Variants in TMEM115 observed in about 807,000 individuals in gnomAD.
TMEM115 encodes PP6.
In TMEM115, 8 loss-of-function variants were observed where a neutral mutation model predicts 20.1. That is an observed-to-expected ratio of 0.40 (90% CI 0.23 to 0.72). The LOEUF is 0.72. TMEM115 is among the 30% of genes least tolerant of loss of function. The probability of loss-of-function intolerance (pLI) is 0.39; values close to 1 mark genes in which losing one functional copy is unlikely to be tolerated. For missense variants in TMEM115, 374 were observed against 455.1 expected, an observed-to-expected ratio of 0.82 and a Z score of 1.62; for synonymous variants, 229 against 206.2, an observed-to-expected ratio of 1.11 and a Z score of -0.95.
chr3:50,358,674 C>T lies in TMEM115; in HGVS notation c.390G>A (p.Leu130=), dbSNP rs139478737. ...AGGCGCCGTGGATACGGACAGTGAA[C>T]AGGTAGACCAGGTTGAAGGAAGCCA... is the stretch of plus-strand genomic sequence containing the variant. ...TYMASFNLVY[L]FTVRIHGALG... The change falls in exon 1 of 2, where the codon CTG becomes CTA. Residue 130 remains leucine (L), a synonymous_variant. Coordinates refer to ENST00000266025, the MANE Select transcript of TMEM115 (RefSeq NM_007024.5). 269 of 1,613,412 alleles carry T rather than the reference C, an allele frequency of 1.7e-4. 1 individual carries two copies. In the African/African-American group the frequency reaches 3.2e-3, roughly 19 times the overall value.
chr3:50,359,139 C>T lies in TMEM115; in HGVS notation c.-76G>A. On this transcript the variant is annotated 5_prime_UTR_variant, in exon 1 of 2. Transcript: ENST00000266025. ...CCCCGGGGCCTCGTCCTAGTCCGGC[C>T]CCGATGGGAGGCCCAGGCCCGGCCT... The T allele has an allele frequency of 6.8e-7, 1 of 1,461,544 alleles. No homozygotes were observed. The highest frequency in any genetic ancestry group is 1.4e-5 in the South Asian group (1 of 69,376). The allele number at this position is 1,461,544 out of a possible 1,614,324, so 90.5% of individuals were successfully genotyped here. A position where few individuals can be genotyped will look rare whatever the true frequency, so the allele number is the denominator to read the frequency against.
intron 1 of TMEM115, 97 bp from the exon 2 acceptor site, chr3:50,355,644 A>G: frequency 1.9e-6 from 2 of 1,074,008 alleles, no homozygotes; most frequent in Non-Finnish European, 2.6e-6. Flanking sequence ...CGTACCACCT[A>G]GACTCCTCCC....
intron 1 of TMEM115, among the ~76,000 whole-genome samples, chr3:50,356,593 A>G (rs1703880499): frequency 6.6e-6 from 1 of 151,928 alleles, no homozygotes; most frequent in African/African-American, 2.4e-5. Flanking sequence ...TATAGACAGG[A>G]CAGTCTTTCC....
At chr3:50,357,986 T>C in intron 1 of TMEM115, 1 of 582,570 alleles carries the variant, frequency 1.7e-6, no homozygotes, top group Non-Finnish European at 3.0e-6. Flanking sequence ...GGAAACTGCA[T>C]TTCTTGAGAC....
chr3:50,358,830 G>A lies in TMEM115; in HGVS notation c.234C>T (p.Ser78=). ...MEQHVWDVAI[S]LTTVVVAGRL... is the part of the protein sequence containing the mutation. ...GCCCGGCCACCACCACCGTTGTCAGGCTGATGGCCACGTCCCACACATGCT... is the reference window on the plus strand; with the variant it reads ...GCCCGGCCACCACCACCGTTGTCAGACTGATGGCCACGTCCCACACATGCT... Residue 78 remains serine, a synonymous_variant, in exon 1 of 2, where the codon AGC becomes AGT. Transcript: ENST00000266025. 5 of 1,613,284 alleles carry A rather than the reference G, an allele frequency of 3.1e-6. No individual in the cohort carries two copies. The highest frequency in any genetic ancestry group is 4.2e-6 in the Non-Finnish European group (5 of 1,180,026).
Position 50,355,486 on chromosome 3 carries a change from G to A in TMEM115, c.913C>T (p.Pro305Ser). 1 of 1,609,054 alleles carries A rather than the reference G, an allele frequency of 6.2e-7. No homozygotes were observed. The highest frequency in any genetic ancestry group is 1.7e-5 in the Admixed American group (1 of 59,492). The change falls in exon 2 of 2, where the codon CCC (proline) becomes TCC (serine). Residue 305 changes from proline to serine, a missense_variant. By Grantham distance (74) the Pro-to-Ser change is moderately conservative (BLOSUM62 -1). Coordinates refer to ENST00000266025, the MANE Select transcript of TMEM115 (RefSeq NM_007024.5). ...LKRVEDQSIW[P>S]SMDDDEEESG... ...TCCTCTTCATCATCATCCATGCTGGGCCAGATGGACTGGTCTTCCACTCTC... is the reference window on the plus strand; with the variant it reads ...TCCTCTTCATCATCATCCATGCTGGACCAGATGGACTGGTCTTCCACTCTC...
In TMEM115 at chr3:50,355,330, A is replaced by C. The variant is rs768443261; in HGVS notation, c.*13T>G. On this transcript the variant is annotated 3_prime_UTR_variant, in exon 2 of 2. Transcript: ENST00000266025. Reference sequence around the variant, plus strand: ...CTTGGGAGGGGAGGTGCCACACTCAAGGTGGTCTGGAGTTACAGCGTCGGG... The same window carrying C: ...CTTGGGAGGGGAGGTGCCACACTCACGGTGGTCTGGAGTTACAGCGTCGGG... The C allele has an allele frequency of 7.5e-6, 11 of 1,470,390 alleles. No homozygotes were observed. The highest frequency in any genetic ancestry group is 8.1e-6 in the Non-Finnish European group (9 of 1,105,942). The allele number at this position is 1,470,390 out of a possible 1,614,324, so 91.1% of individuals were successfully genotyped here. A position where few individuals can be genotyped will look rare whatever the true frequency, so the allele number is the denominator to read the frequency against.
chr3:50,357,475 G>A (rs2109379942), intron 1 of TMEM115, among the ~76,000 whole-genome samples: 1 of 152,338 alleles, frequency 6.6e-6, no homozygotes. Context: ...CCACTCTGCT[G>A]GCTCCACAGA....
rs1244205848 is a variant in TMEM115, at chr3:50,358,878, C to T, written c.186G>A (p.Leu62=). 1 of 1,613,136 alleles carries T rather than the reference C, an allele frequency of 6.2e-7. No homozygotes were observed. The highest frequency in any genetic ancestry group is 2.2e-5 in the East Asian group (1 of 44,892). The change falls in exon 1 of 2, where the codon CTG becomes CTA. Residue 62 remains leucine, a synonymous_variant. Transcript: ENST00000266025. ...LFPPNFWIWT[L]ATHGLMEQHV... The stretch of plus-strand genomic sequence containing the variant: ...GCTGCTCCATCAGCCCATGGGTGGC[C>T]AGGGTCCAGATCCAGAAGTTGGGAG...
In TMEM115 at chr3:50,359,050, AG is replaced by A; in HGVS notation, c.13del (p.Leu5CysfsTer19). 6.5e-7 allele frequency: 1 copy of A among 1,550,338 alleles called. No individual in the cohort carries two copies. The highest frequency in any genetic ancestry group is 8.7e-7 in the Non-Finnish European group (1 of 1,146,870). On this transcript the variant is annotated frameshift_variant, in exon 1 of 2. Transcript: ENST00000266025. LOFTEE classifies it high-confidence loss of function. ...CCCCAAGTGCTGGCGGGCGCCTGGCAGGGCACGTTGCATCTTCCTGGCGGCT... is the reference window on the plus strand; with the variant it reads ...CCCCAAGTGCTGGCGGGCGCCTGGCAGGCACGTTGCATCTTCCTGGCGGCT... Reference protein sequence around the residue: MQRALPGARQHLGAI... With the variant: MQRAXPGARQHLGAI...
chr3:50,357,780 G>A (rs1006657345), intron 1 of TMEM115, among the ~76,000 whole-genome samples: 11 of 152,224 alleles, frequency 7.2e-5, no homozygotes, highest in Non-Finnish European at 1.5e-4. Context: ...AGCCCAGGAA[G>A]AGGACACAGC....
Position 50,355,203 on chromosome 3 carries a change from G to T in TMEM115, c.*140C>A. On this transcript the variant is annotated 3_prime_UTR_variant, in exon 2 of 2. Transcript: ENST00000266025. ...GGTAGCAAGAGTCCTGGGTAGTGTT[G>T]GCGAGAAACAGCAGAAGGCCATGGA... The T allele has an allele frequency of 1.7e-6, 1 of 594,086 alleles. No homozygotes were observed. The highest frequency in any genetic ancestry group is 3.2e-5 in the South Asian group (1 of 30,934). 36.8% of individuals were successfully genotyped at this position (594,086 alleles called of 1,614,324 possible). A position where few individuals can be genotyped will look rare whatever the true frequency, so the allele number is the denominator to read the frequency against.
chr3:50,358,125 C>A, intron 1 of TMEM115, 88 bp downstream of exon 1: 2 of 1,535,676 alleles, frequency 1.3e-6, no homozygotes, highest in Non-Finnish European at 1.8e-6. Flanking sequence ...TAGGTCTCCA[C>A]CTATGTACAG....
rs1389015337 is a variant in TMEM115, at chr3:50,354,773, T to C, written c.*570A>G. On this transcript the variant is annotated 3_prime_UTR_variant, in exon 2 of 2. Transcript: ENST00000266025. ...AGTCATTCCTCAGAGAACTGCTTTATTGATACTGCGAGCCTGGGCTTGGCT... is the reference window on the plus strand; with the variant it reads ...AGTCATTCCTCAGAGAACTGCTTTACTGATACTGCGAGCCTGGGCTTGGCT... The C allele has an allele frequency of 1.3e-5, 2 of 152,590 alleles. No homozygotes were observed. The highest frequency in any genetic ancestry group is 2.1e-4 in the South Asian group (1 of 4,844). The allele number at this position is 152,590 out of a possible 1,614,324, so 9.5% of individuals were successfully genotyped here.
chr3:50,356,551 C>A (rs1010967001), intron 1 of TMEM115, among the ~76,000 whole-genome samples: 8 of 152,218 alleles, frequency 5.3e-5, no homozygotes, highest in Admixed American at 1.3e-4. Flanking sequence ...ACGCTTCCCC[C>A]CTGCCCGTCA....
At position 50,358,571 on chromosome 3, in the gene TMEM115, G is replaced by C. The variant is rs1703913521; in HGVS notation, c.493C>G (p.Arg165Gly). The C allele has an allele frequency of 6.2e-7, 1 of 1,609,616 alleles. No homozygotes were observed. Among genetic ancestry groups the C allele is most frequent in the Non-Finnish European group, 8.5e-7 (1 of 1,178,436 alleles). ...DCVVLRVPQV[R>G]VSVMPMLLLA... is the part of the protein sequence containing the mutation. ...AGCAGCATGGGCATCACACTGACGC[G>C]CACCTGGGGCACTCGCAGGACCACA... The change falls in exon 1 of 2, where the codon CGC (arginine) becomes GGC (glycine). Residue 165 changes from arginine (R) to glycine (G), a missense_variant. Arg to Gly is a moderately radical substitution (Grantham distance 125). Coordinates refer to ENST00000266025, the MANE Select transcript of TMEM115 (RefSeq NM_007024.5).
rs759616936 is a variant in TMEM115, at chr3:50,358,420, C to T, written c.644G>A (p.Arg215Gln). The T allele has an allele frequency of 5.0e-6, 8 of 1,613,936 alleles. No homozygotes were observed. Among genetic ancestry groups the T allele is most frequent in the African/African-American group, 1.3e-5 (1 of 75,068 alleles). Reference protein sequence around the residue: ...LRFYQRHSRGRGDMADHFAFA... With the variant: ...LRFYQRHSRGQGDMADHFAFA... ...AGCAAAGTGGTCAGCCATGTCCCCTCGGCCCCGGCTATGGCGCTGGTAGAA... is the reference window on the plus strand; with the variant it reads ...AGCAAAGTGGTCAGCCATGTCCCCTTGGCCCCGGCTATGGCGCTGGTAGAA... The change falls in exon 1 of 2, where the codon CGA becomes CAA. Residue 215 changes from arginine (R) to glutamine (Q), a missense_variant. Arg to Gln is a conservative substitution (Grantham distance 43, BLOSUM62 1). Coordinates refer to ENST00000266025, the MANE Select transcript of TMEM115 (RefSeq NM_007024.5).
intron 1 of TMEM115, 26 bp downstream of exon 1, chr3:50,358,187 C>T: frequency 6.2e-7 from 1 of 1,608,316 alleles, no homozygotes; most frequent in South Asian, 1.1e-5. Context: ...CCTAGCTTGA[C>T]AAGATTTTGG....
Position 50,358,610 on chromosome 3 carries a change from TTTGC to T in TMEM115, c.450_453del (p.Gln151ProfsTer17). ...CGCAGGACCACACAGTCCCCCATGG[TTTGC>T]TTGAGTGCCACCAGGACGCCACCTA... is the stretch of plus-strand genomic sequence containing the variant. On this transcript the variant is annotated frameshift_variant, in exon 1 of 2. Coordinates refer to ENST00000266025, the MANE Select transcript of TMEM115 (RefSeq NM_007024.5). LOFTEE classifies it high-confidence loss of function. The T allele has an allele frequency of 7.4e-6, 12 of 1,612,240 alleles. No homozygotes were observed. The highest frequency in any genetic ancestry group is 1.0e-5 in the Non-Finnish European group (12 of 1,179,628).
Sources: allele counts gnomAD v4.1 joint callset (sites outside exome capture counted in the v4.1 genomes callset), GRCh38; gene constraint gnomAD v4.1.1; transcripts MANE v1.5; gene names NCBI Gene and HGNC (gene_info 2026-07-23, HGNC 2026-07-21).